The following OXCT1 variants were observed in gnomAD, a reference collection of about 807,000 sequenced individuals.
The protein encoded by OXCT1 is succinyl-CoA:3-ketoacid coenzyme A transferase 1, mitochondrial.
In OXCT1, 27 loss-of-function variants were observed where a neutral mutation model predicts 69.6. The ratio of observed to expected loss-of-function variants is 0.39; its 90% CI spans 0.29 to 0.54. The LOEUF is 0.54. Ranked by LOEUF, OXCT1 falls within the 20% of genes least tolerant of loss-of-function variation. The probability of loss-of-function intolerance (pLI) is 0.72; values close to 1 mark genes in which losing one functional copy is unlikely to be tolerated. For synonymous variants in OXCT1, 202 were observed against 217.8 expected (o/e 0.93, Z 0.64); for missense variants, 437 against 650.2 (o/e 0.67, Z 3.57).
intron 8 of OXCT1, among the ~76,000 whole-genome samples, chr5:41,806,030 G>C (rs904220994): frequency 5.3e-5 from 8 of 152,186 alleles, no homozygotes; most frequent in African/African-American, 1.9e-4. Flanking sequence ...AAGAGGAACA[G>C]ACTTTGGGAA....
At chr5:41,853,278 T>C in intron 4 of OXCT1, 141 bp downstream of exon 4, 2 of 686,488 alleles carry the variant, frequency 2.9e-6, no homozygotes, top group South Asian at 3.3e-5. Flanking sequence ...AATCAACAGG[T>C]GTGAGTTAGA....
intron 15 of OXCT1, among the ~76,000 whole-genome samples, chr5:41,747,735 G>C (rs577539892): frequency 6.6e-6 from 1 of 152,080 alleles, no homozygotes; most frequent in African/African-American, 2.4e-5. Context: ...CTCAAGTAGG[G>C]AGAAAGTTAA....
At chr5:41,846,594 G>A (rs1360626686) in intron 5 of OXCT1, among the ~76,000 whole-genome samples, 10 of 151,936 alleles carry the variant, frequency 6.6e-5, no homozygotes, top group East Asian at 3.9e-4. Flanking sequence ...ATAAACATAC[G>A]TGTGCATGTG....
intron 8 of OXCT1, 21 bp from the exon 9 acceptor site, chr5:41,805,702 A>C: frequency 6.8e-7 from 1 of 1,470,350 alleles, no homozygotes; most frequent in South Asian, 1.1e-5. Flanking sequence ...AACAGAAATA[A>C]ATTATTCGTG....
At chr5:41,827,423 A>C (rs1747860216) in intron 7 of OXCT1, among the ~76,000 whole-genome samples, 1 of 152,300 alleles carries the variant, frequency 6.6e-6, no homozygotes, top group South Asian at 2.1e-4. Flanking sequence ...ATTGTAATAA[A>C]GCTGCTTCTC....
intron 7 of OXCT1, among the ~76,000 whole-genome samples, chr5:41,809,296 T>C (rs1746847048): frequency 6.6e-6 from 1 of 152,006 alleles, no homozygotes; most frequent in Non-Finnish European, 1.5e-5. Flanking sequence ...CACAATGTTA[T>C]TTTTTCAGAA....
At chr5:41,771,840 C>T (rs898035640) in intron 13 of OXCT1, among the ~76,000 whole-genome samples, 31 of 152,158 alleles carry the variant, frequency 2.0e-4, no homozygotes, top group African/African-American at 7.0e-4. Flanking sequence ...TCCACTGAAT[C>T]GCTGAGAGAA....
intron 15 of OXCT1, among the ~76,000 whole-genome samples, chr5:41,741,640 A>G (rs1257892143): frequency 1.3e-5 from 2 of 152,180 alleles, no homozygotes; most frequent in African/African-American, 2.4e-5. Context: ...CCAGCTGATT[A>G]ATATTTTTCC....
At chr5:41,851,470 T>C (rs1243800972) in intron 4 of OXCT1, among the ~76,000 whole-genome samples, 1 of 152,132 alleles carries the variant, frequency 6.6e-6, no homozygotes, top group East Asian at 1.9e-4. Flanking sequence ...ATATATACCC[T>C]CCCTGAATAC....
intron 14 of OXCT1, among the ~76,000 whole-genome samples, chr5:41,752,197 C>T (rs1291067030): frequency 6.6e-6 from 1 of 152,056 alleles, no homozygotes; most frequent in East Asian, 1.9e-4. Context: ...GGTTTGTAGT[C>T]TTAGTTCTGC....
intron 16 of OXCT1, among the ~76,000 whole-genome samples, chr5:41,736,194 C>T (rs1223126534): frequency 6.6e-6 from 1 of 152,228 alleles, no homozygotes; most frequent in Non-Finnish European, 1.5e-5. Context: ...GTTGGCTTCT[C>T]TAGCTGTAAA....
intron 15 of OXCT1, among the ~76,000 whole-genome samples, chr5:41,745,159 T>C (rs891399482): frequency 1.3e-5 from 2 of 151,668 alleles, no homozygotes; most frequent in Non-Finnish European, 2.9e-5. Context: ...AGTAAAGCAC[T>C]CCTCAGCAAA....
At chr5:41,759,220 C>T (rs1358398825) in intron 14 of OXCT1, among the ~76,000 whole-genome samples, 2 of 151,908 alleles carry the variant, frequency 1.3e-5, no homozygotes, top group East Asian at 3.9e-4. Flanking sequence ...GAATCAAATT[C>T]CAGCTCTGTC....
Position 41,762,025 on chromosome 5 carries a change from C to G in OXCT1, c.1338+86G>C. ...TGAATGAGCCAGAGAAAATAAAATC[C>G]ACAGTTAGGTGACCTGGTGGTACAC... On this transcript the variant is annotated intron_variant, in intron 14 of 16. Coordinates refer to ENST00000196371, the MANE Select transcript of OXCT1 (RefSeq NM_000436.4). This position sits in a 1 kb window ranked among gnomAD's most constrained non-coding sequence, Gnocchi z 4.0. 1 of 878,120 alleles carries G rather than the reference C, an allele frequency of 1.1e-6. No homozygotes were observed. The highest frequency in any genetic ancestry group is 2.0e-6 in the Non-Finnish European group (1 of 508,496). 54.4% of individuals were successfully genotyped at this position (878,120 alleles called of 1,614,324 possible). A position where few individuals can be genotyped will look rare whatever the true frequency, so the allele number is the denominator to read the frequency against.
intron 11 of OXCT1, 52 bp from the exon 12 acceptor site, chr5:41,794,801 TA>T: frequency 6.3e-7 from 1 of 1,582,550 alleles, no homozygotes; most frequent in South Asian, 1.1e-5. Flanking sequence ...TTTCTAAGAG[TA>T]TCATGGTGAA....
chr5:41,866,025 C>T (rs905380827), intron 1 of OXCT1, among the ~76,000 whole-genome samples: 1 of 138,962 alleles, frequency 7.2e-6, no homozygotes, highest in Admixed American at 8.2e-5. Context: ...ACAGTAGACC[C>T]CCCCCCCCAC....
intron 7 of OXCT1, among the ~76,000 whole-genome samples, chr5:41,836,541 C>T (rs1157181596): frequency 6.6e-6 from 1 of 152,112 alleles, no homozygotes; most frequent in Non-Finnish European, 1.5e-5. Context: ...TACTAGGGAT[C>T]AGTTTTGTGG....
chr5:41,749,716 A>G (rs1015308091), intron 14 of OXCT1, 109 bp from the exon 15 acceptor site: 2 of 740,870 alleles, frequency 2.7e-6, no homozygotes, highest in African/African-American at 1.8e-5. Context: ...TCTCCTAAGT[A>G]AAGACTCTTT....
chr5:41,860,743 A>G (rs927347609), intron 3 of OXCT1, among the ~76,000 whole-genome samples: 1 of 152,184 alleles, frequency 6.6e-6, no homozygotes, highest in Admixed American at 6.5e-5. Flanking sequence ...CTTAATGTGC[A>G]TGCTATTATT....
Sources: allele counts gnomAD v4.1 joint callset (sites outside exome capture counted in the v4.1 genomes callset), GRCh38; gene constraint gnomAD v4.1.1; non-coding constraint Gnocchi (gnomAD v3.1); transcripts MANE v1.5; gene names NCBI Gene and HGNC (gene_info 2026-07-23, HGNC 2026-07-21).